CCDC148: variants seen among roughly 807,000 people sequenced by gnomAD.
CCDC148 encodes the protein coiled-coil domain containing 148, also known as coiled-coil domain-containing protein 148.
In CCDC148, 89 loss-of-function variants were observed where a neutral mutation model predicts 85.7. The observed-to-expected ratio is 1.04, with a 90% confidence interval of 0.87 to 1.24. The LOEUF is 1.24. CCDC148 is among the 50% of genes most tolerant of loss of function. CCDC148 has a pLI of 0.00. For synonymous variants in CCDC148, 230 were observed against 213.9 expected, an observed-to-expected ratio of 1.08 and a Z score of -0.66; for missense variants, 692 against 671.7, an observed-to-expected ratio of 1.03 and a Z score of -0.33.
intron 1 of CCDC148, among the ~76,000 whole-genome samples, chr2:158,404,062 T>G (rs1213321965): frequency 6.6e-6 from 1 of 152,184 alleles, no homozygotes; most frequent in East Asian, 1.9e-4. Flanking sequence ...ATGGAAGAGT[T>G]ATGCTCTGTG....
chr2:158,410,543 T>C (rs1308382057), intron 1 of CCDC148, among the ~76,000 whole-genome samples: 1 of 152,178 alleles, frequency 6.6e-6, no homozygotes, highest in African/African-American at 2.4e-5. Flanking sequence ...TCTTTGTGGT[T>C]ACCTTGAGGC....
intron 1 of CCDC148, among the ~76,000 whole-genome samples, chr2:158,408,582 T>C (rs1233594203): frequency 6.6e-6 from 1 of 152,034 alleles, no homozygotes; most frequent in Non-Finnish European, 1.5e-5. Context: ...TTAAGGATAA[T>C]ATTCATAAAC....
At chr2:158,448,238 T>G (rs1381786012) in intron 1 of CCDC148, among the ~76,000 whole-genome samples, 1 of 152,240 alleles carries the variant, frequency 6.6e-6, no homozygotes, top group Non-Finnish European at 1.5e-5. Flanking sequence ...TCTATCATTA[T>G]GCCAATATTA....
At chr2:158,185,824 C>A (rs1685128751) in intron 11 of CCDC148, among the ~76,000 whole-genome samples, 1 of 151,988 alleles carries the variant, frequency 6.6e-6, no homozygotes. Context: ...TACTCCTTTC[C>A]AATAACATTC....
chr2:158,351,947 C>A, intron 2 of CCDC148, among the ~76,000 whole-genome samples: 1 of 145,960 alleles, frequency 6.9e-6, no homozygotes, highest in African/African-American at 2.7e-5. Flanking sequence ...AACTGGGAGG[C>A]ACCCCCCAGC....
At chr2:158,238,264 G>A (rs1688199084) in intron 10 of CCDC148, among the ~76,000 whole-genome samples, 1 of 152,088 alleles carries the variant, frequency 6.6e-6, no homozygotes, top group Non-Finnish European at 1.5e-5. Context: ...TTGAGCAGGA[G>A]AAGGGGGACA....
chr2:158,276,197 G>A (rs1224286416), intron 9 of CCDC148, among the ~76,000 whole-genome samples: 1 of 152,150 alleles, frequency 6.6e-6, no homozygotes, highest in East Asian at 1.9e-4. Flanking sequence ...TTGGGAGGCA[G>A]AGGCGAGTGG....
At chr2:158,256,819 C>T (rs1689030895) in intron 9 of CCDC148, among the ~76,000 whole-genome samples, 1 of 151,718 alleles carries the variant, frequency 6.6e-6, no homozygotes, top group Admixed American at 6.6e-5. Flanking sequence ...CCACCATGCC[C>T]AGATCAGATA....
chr2:158,266,499 G>T (rs1689460180), intron 9 of CCDC148, among the ~76,000 whole-genome samples: 2 of 152,122 alleles, frequency 1.3e-5, no homozygotes, highest in South Asian at 4.2e-4. Context: ...AGTTTTTTGG[G>T]GAAACAGGTG....
rs1018965974 is a variant in CCDC148 at position 158,280,127 on chromosome 2, C to A, written c.1111-29215G>T. Among the ~76,000 whole-genome samples the A allele has an allele frequency of 2.0e-5, 3 of 152,138 alleles. No homozygotes were observed. In the South Asian group the frequency reaches 6.2e-4, roughly 32 times the overall value. ...GCCCTAAAAGAGCTCCTGAAGGAAGCACTAAACATGGAAAGGAACAAGTGG... is the reference window on the plus strand; with the variant it reads ...GCCCTAAAAGAGCTCCTGAAGGAAGAACTAAACATGGAAAGGAACAAGTGG... On this transcript the variant is annotated intron_variant, in intron 9 of 13. Coordinates refer to ENST00000283233, the MANE Select transcript of CCDC148 (RefSeq NM_138803.4).
intron 9 of CCDC148, among the ~76,000 whole-genome samples, chr2:158,275,989 A>G (rs1689922783): frequency 1.4e-5 from 2 of 146,772 alleles, no homozygotes; most frequent in South Asian, 2.1e-4. Context: ...TGTCTAATTT[A>G]TCAAAAAAAA....
At chr2:158,192,584 G>A (rs1180795675) in intron 11 of CCDC148, among the ~76,000 whole-genome samples, 1 of 152,060 alleles carries the variant, frequency 6.6e-6, no homozygotes, top group East Asian at 1.9e-4. Flanking sequence ...AGGTGGTTGT[G>A]TCTCTTTGTT....
At chr2:158,173,252 G>A (rs1684403746) in intron 13 of CCDC148, among the ~76,000 whole-genome samples, 1 of 152,010 alleles carries the variant, frequency 6.6e-6, no homozygotes, top group Non-Finnish European at 1.5e-5. Context: ...AAACTCAGAG[G>A]TGAAATAGGC....
rs183297056 is a variant in CCDC148 at position 158,201,389 on chromosome 2, G to A, written c.1370+19206C>T. ...AGAATATATCCAAATAATGTATACA[G>A]ATTACTGTTTTCTTTTATTTGTTAC... On this transcript the variant is annotated intron_variant, in intron 11 of 13. Coordinates refer to ENST00000283233, the MANE Select transcript of CCDC148 (RefSeq NM_138803.4). Among the ~76,000 whole-genome samples the A allele has an allele frequency of 3.9e-3, 593 of 150,872 alleles. 13 individuals carry two copies. The highest frequency in any genetic ancestry group is 1.6e-3 in the East Asian group (8 of 5,076).
At chr2:158,312,410 C>T (rs531123761) in intron 8 of CCDC148, among the ~76,000 whole-genome samples, 106 of 151,792 alleles carry the variant, frequency 7.0e-4, no homozygotes, top group African/African-American at 2.4e-3. Context: ...GGTGAAACCC[C>T]GACTCTACTG....
At chr2:158,400,763 G>A (rs912353246) in intron 1 of CCDC148, among the ~76,000 whole-genome samples, 3 of 152,124 alleles carry the variant, frequency 2.0e-5, no homozygotes, top group Non-Finnish European at 2.9e-5. Context: ...TCATCAGAGT[G>A]AACAGGCAAC....
At chr2:158,233,053 G>T (rs1687929369) in intron 10 of CCDC148, among the ~76,000 whole-genome samples, 1 of 152,104 alleles carries the variant, frequency 6.6e-6, no homozygotes, top group African/African-American at 2.4e-5. Context: ...ATACATGTTT[G>T]AGGTAATGGA....
At chr2:158,275,913 C>T (rs556366465) in intron 9 of CCDC148, among the ~76,000 whole-genome samples, 1 of 151,588 alleles carries the variant, frequency 6.6e-6, no homozygotes, top group Non-Finnish European at 1.5e-5. Flanking sequence ...ATGGCCTGAA[C>T]ATCTATTCAC....
chr2:158,433,277 T>TATATATATATAA lies in CCDC148; in HGVS notation c.25+23137_25+23138insTTATATATATAT, dbSNP rs1486048925. On this transcript the variant is annotated intron_variant, in intron 1 of 13. Transcript: ENST00000283233. Reference sequence around the variant, plus strand: ...CTTGACTCAAATATATATATATATATAAAACAAAAGCACAAATAAAAGAAA... The same window carrying TATATATATATAA: ...CTTGACTCAAATATATATATATATATATATATATATAAAAAACAAAAGCACAAATAAAAGAAA... Among the ~76,000 whole-genome samples, 21 of 120,130 alleles carry TATATATATATAA rather than the reference T, an allele frequency of 1.7e-4. 1 individual carries two copies. Among genetic ancestry groups the TATATATATATAA allele is most frequent in the South Asian group, 4.7e-4 (2 of 4,222 alleles). 78.8% of individuals were successfully genotyped at this position (120,130 alleles called of 152,430 possible).
Sources: allele counts gnomAD v4.1 joint callset (sites outside exome capture counted in the v4.1 genomes callset), GRCh38; gene constraint gnomAD v4.1.1; transcripts MANE v1.5; gene names NCBI Gene and HGNC (gene_info 2026-07-23, HGNC 2026-07-21).